The following SOX5 variants were observed in gnomAD, a reference collection of about 807,000 sequenced individuals.
SOX5 encodes transcription factor SOX-5.
Under a neutral mutation model 92.0 loss-of-function variants are expected in SOX5, and 9 were observed. The ratio of observed to expected loss-of-function variants is 0.10; its 90% CI spans 0.06 to 0.17. The LOEUF is 0.17. SOX5 is among the 10% of genes least tolerant of loss of function. The probability of loss-of-function intolerance (pLI) is 1.00; values close to 1 mark genes in which losing one functional copy is unlikely to be tolerated. For missense variants in SOX5, 642 were observed against 944.5 expected (o/e 0.68, Z 4.20); for synonymous variants, 344 against 336.3 (o/e 1.02, Z -0.25).
At chr12:23,868,352 A>G (rs1043355755) in intron 2 of SOX5, among the ~76,000 whole-genome samples, 1 of 152,136 alleles carries the variant, frequency 6.6e-6, no homozygotes, top group Non-Finnish European at 1.5e-5. Context: ...GCCTGGGAAG[A>G]ATAAACAACT....
chr12:24,533,138 T>C (rs1330252200), intron 1 of SOX5, among the ~76,000 whole-genome samples: 5 of 152,222 alleles, frequency 3.3e-5, no homozygotes, highest in Admixed American at 6.5e-5. Context: ...CTAGGTTTTT[T>C]TTCTTTCCAG....
At chr12:24,150,530 T>C (rs1040877529) in intron 4 of SOX5, among the ~76,000 whole-genome samples, 2 of 152,086 alleles carry the variant, frequency 1.3e-5, no homozygotes, top group Non-Finnish European at 2.9e-5. Flanking sequence ...GCCATTGACC[T>C]GAATGAAATT....
At chr12:24,466,441 T>C (rs1944245544) in intron 1 of SOX5, among the ~76,000 whole-genome samples, 2 of 152,080 alleles carry the variant, frequency 1.3e-5, no homozygotes, top group Non-Finnish European at 2.9e-5. Flanking sequence ...GTTTTGGAAC[T>C]ACCCTTCCCA....
intron 2 of SOX5, among the ~76,000 whole-genome samples, chr12:24,359,717 C>T (rs1054519408): frequency 4.6e-5 from 7 of 152,166 alleles, no homozygotes; most frequent in South Asian, 2.1e-4. Flanking sequence ...CATATTTTAT[C>T]AAGGGATAAG....
At chr12:24,108,434 A>C (rs564378803) in intron 4 of SOX5, among the ~76,000 whole-genome samples, 14 of 152,272 alleles carry the variant, frequency 9.2e-5, no homozygotes, top group Non-Finnish European at 1.9e-4. Flanking sequence ...CAAGACTTAC[A>C]GAACTTCTCT....
intron 4 of SOX5, among the ~76,000 whole-genome samples, chr12:24,183,669 T>C (rs1222545233): frequency 1.3e-5 from 2 of 152,202 alleles, no homozygotes; most frequent in Non-Finnish European, 2.9e-5. Flanking sequence ...TTTCCAAAAC[T>C]TCTTCCTGAA....
intron 11 of SOX5, among the ~76,000 whole-genome samples, chr12:23,561,777 G>C (rs369297827): frequency 6.6e-6 from 1 of 150,898 alleles, no homozygotes; most frequent in East Asian, 2.0e-4. Context: ...GGAAGAGAAG[G>C]GGGAGATAGG....
chr12:24,008,091 CAA>C (rs1209454264), intron 4 of SOX5, among the ~76,000 whole-genome samples: 4 of 151,918 alleles, frequency 2.6e-5, no homozygotes, highest in Non-Finnish European at 5.9e-5. Flanking sequence ...ATATCTGAAA[CAA>C]GAGACTAAGA....
chr12:24,457,294 T>G (rs1204616667), intron 1 of SOX5, among the ~76,000 whole-genome samples: 1 of 152,170 alleles, frequency 6.6e-6, no homozygotes, highest in African/African-American at 2.4e-5. Flanking sequence ...TACCTTAACC[T>G]GAAAATTAAT....
intron 3 of SOX5, among the ~76,000 whole-genome samples, chr12:24,251,984 T>C (rs1029353332): frequency 6.6e-6 from 1 of 151,760 alleles, no homozygotes; most frequent in African/African-American, 2.4e-5. Context: ...AAAACAGAAG[T>C]GCAGATTTTC....
chr12:23,595,334 A>C (rs2137240292), intron 9 of SOX5, among the ~76,000 whole-genome samples: 1 of 152,104 alleles, frequency 6.6e-6, no homozygotes, highest in African/African-American at 2.4e-5. Context: ...CTTAAAAAAA[A>C]ATTGTGGGCC....
intron 4 of SOX5, among the ~76,000 whole-genome samples, chr12:24,118,421 T>G (rs888689221): frequency 6.6e-6 from 1 of 152,132 alleles, no homozygotes; most frequent in Non-Finnish European, 1.5e-5. Flanking sequence ...AGGAATGAAA[T>G]AGAAATGCAA....
At chr12:23,824,318 T>G (rs2096185859) in intron 3 of SOX5, among the ~76,000 whole-genome samples, 1 of 152,226 alleles carries the variant, frequency 6.6e-6, no homozygotes, top group African/African-American at 2.4e-5. Flanking sequence ...TTGTCCTTTT[T>G]GTTGATGTTG....
chr12:23,721,313 G>T (rs1002613017), intron 6 of SOX5, among the ~76,000 whole-genome samples: 30 of 151,852 alleles, frequency 2.0e-4, no homozygotes, highest in Admixed American at 2.0e-3. Context: ...TCGAACTCCC[G>T]ACCTTAGGTG....
intron 11 of SOX5, among the ~76,000 whole-genome samples, chr12:23,546,753 G>A (rs551520858): frequency 3.9e-5 from 6 of 152,076 alleles, no homozygotes; most frequent in Non-Finnish European, 8.8e-5. Context: ...TTTTACATTT[G>A]GAATGTCTGC....
chr12:23,820,913 T>A (rs1382056391), intron 3 of SOX5, among the ~76,000 whole-genome samples: 1 of 152,212 alleles, frequency 6.6e-6, no homozygotes, highest in Non-Finnish European at 1.5e-5. Flanking sequence ...TGGGCTCTTT[T>A]TGAGTTCCAT....
At chr12:23,649,002 C>T (rs549871688) in intron 7 of SOX5, among the ~76,000 whole-genome samples, 1 of 152,060 alleles carries the variant, frequency 6.6e-6, no homozygotes, top group Non-Finnish European at 1.5e-5. Context: ...TCACCCAACA[C>T]ATAAACACAA....
chr12:24,244,031 G>C (rs1255437587), intron 3 of SOX5, among the ~76,000 whole-genome samples: 2 of 136,326 alleles, frequency 1.5e-5, no homozygotes, highest in African/African-American at 5.7e-5. Flanking sequence ...TTTAAATTTT[G>C]AATGTAGGCA....
At chr12:23,972,109 T>TG (rs199568864) in intron 4 of SOX5, among the ~76,000 whole-genome samples, 1,879 of 152,244 alleles carry the variant, frequency 0.012, 16 homozygotes, top group East Asian at 0.038. Context: ...GGCCTAAGGA[T>TG]GGGGGAGACC....
Sources: gnomAD v4.1 joint callset for allele counts (sites outside exome capture counted in the v4.1 genomes callset) on GRCh38, gnomAD v4.1.1 for gene constraint, MANE v1.5 for transcripts, NCBI Gene and HGNC (gene_info 2026-07-23, HGNC 2026-07-21) for gene names.